MMRN1: variants seen among roughly 807,000 people sequenced by gnomAD.
MMRN1 encodes multimerin 1.
A neutral mutation model predicts 100.7 loss-of-function variants in MMRN1; 94 were observed. That is an observed-to-expected ratio of 0.93 (90% CI 0.79 to 1.11). MMRN1 has a LOEUF of 1.11. Among genes scored for constraint, MMRN1 ranks in the 50% least tolerant of loss-of-function variants. The probability of loss-of-function intolerance (pLI) is 0.00; values close to 1 mark genes in which losing one functional copy is unlikely to be tolerated. For missense variants in MMRN1, 1,606 were observed against 1,439.1 expected (o/e 1.12, Z -1.88); for synonymous variants, 575 against 505.0 (o/e 1.14, Z -1.86).
chr4:89,909,271 T>C lies in MMRN1; in HGVS notation c.624-5T>C. On this transcript the variant is annotated splice_polypyrimidine_tract_variant and splice_region_variant and intron_variant, in intron 1 of 7. Coordinates refer to ENST00000264790, the MANE Select transcript of MMRN1 (RefSeq NM_007351.3). ...TTTTTCCCTAACAATTATGATCTTC[T>C]TTAGGAATTGGTGTGCTTATGTACA... The C allele has an allele frequency of 6.3e-7, 1 of 1,583,258 alleles. No homozygotes were observed. The highest frequency in any genetic ancestry group is 8.6e-7 in the Non-Finnish European group (1 of 1,165,702).
At chr4:89,912,739 G>A (rs887303832) in intron 3 of MMRN1, among the ~76,000 whole-genome samples, 4 of 151,238 alleles carry the variant, frequency 2.6e-5, no homozygotes, top group African/African-American at 9.7e-5. Context: ...GCCATTAGCA[G>A]TGGTGGGGAA....
At chr4:89,909,585 T>C (rs554255768) in intron 2 of MMRN1, among the ~76,000 whole-genome samples, 190 bp downstream of exon 2, 4 of 151,646 alleles carry the variant, frequency 2.6e-5, no homozygotes, top group African/African-American at 7.2e-5. Flanking sequence ...TTTAGAATCA[T>C]TTGAGATAAT....
In MMRN1 at chr4:89,935,323, C is replaced by G. The variant is rs1722576604; in HGVS notation, c.1643C>G (p.Thr548Ser). Residue 548 changes from threonine (T) to serine (S), a missense_variant, in exon 6 of 8, where the codon ACT (threonine) becomes AGT (serine). By Grantham distance (58) the Thr-to-Ser change is moderately conservative. Transcript: ENST00000264790. The part of the protein sequence containing the change: ...VSNNVTEYMS[T>S]LHENIKKQSL... ...AATAATGTCACTGAGTACATGTCTA[C>G]TTTACATGAAAATATAAAGAAGCAG... 6.2e-7 allele frequency: 1 copy of G among 1,613,472 alleles called. No individual in the cohort carries two copies. Among genetic ancestry groups the G allele is most frequent in the South Asian group, 1.1e-5 (1 of 91,022 alleles).
At chr4:89,919,366 T>C (rs769726194) in intron 3 of MMRN1, among the ~76,000 whole-genome samples, 1 of 151,606 alleles carries the variant, frequency 6.6e-6, no homozygotes, top group Non-Finnish European at 1.5e-5. Context: ...AATATTTTCT[T>C]CATGATTCAT....
rs72870718 is a variant in MMRN1 at position 89,884,497 on chromosome 4, G to A, written c.-249+4895G>A. On this transcript the variant is annotated intron_variant, in intron 1 of 8. Coordinates refer to the MMRN1 transcript ENST00000394980. ...TTGCTGTTCCCATTGCTTGTGGCTA[G>A]CATATGAACTACGATTAATACATGA... Among the ~76,000 whole-genome samples, 1,410 of 152,196 alleles carry A rather than the reference G, an allele frequency of 9.3e-3. 23 individuals carry two copies. Among genetic ancestry groups the A allele is most frequent in the African/African-American group, 0.031 (1,301 of 41,534 alleles).
At chr4:89,929,091 T>C (rs1311438271) in intron 5 of MMRN1, among the ~76,000 whole-genome samples, 1 of 152,116 alleles carries the variant, frequency 6.6e-6, no homozygotes, top group Non-Finnish European at 1.5e-5. Context: ...CAGAAAGGTT[T>C]CGGGTAGGGC....
At chr4:89,881,519 T>A (rs1252323985) in intron 1 of MMRN1, among the ~76,000 whole-genome samples, 8 of 152,088 alleles carry the variant, frequency 5.3e-5, no homozygotes, top group Non-Finnish European at 1.0e-4. Flanking sequence ...TATAAAAGAA[T>A]TATATGCCTT....
At chr4:89,909,971 A>G (rs1196589001) in intron 2 of MMRN1, among the ~76,000 whole-genome samples, 1 of 151,396 alleles carries the variant, frequency 6.6e-6, no homozygotes, top group Non-Finnish European at 1.5e-5. Context: ...TAATTGATAA[A>G]TTATCTGAAT....
chr4:89,892,868 A>G (rs181795091), upstream of MMRN1, among the ~76,000 whole-genome samples: 134 of 152,186 alleles, frequency 8.8e-4, 1 homozygote, highest in African/African-American at 3.0e-3. Context: ...TTCAAACTGT[A>G]GAAGAAAACA....
chr4:89,948,238 A>T (rs1440885074), intron 6 of MMRN1, among the ~76,000 whole-genome samples: 2 of 152,184 alleles, frequency 1.3e-5, no homozygotes, highest in Non-Finnish European at 2.9e-5. Flanking sequence ...GTTGTCTGTT[A>T]TAAGGCTCTG....
At chr4:89,930,903 G>A (rs1722412903) in intron 5 of MMRN1, among the ~76,000 whole-genome samples, 2 of 152,028 alleles carry the variant, frequency 1.3e-5, no homozygotes, top group African/African-American at 4.8e-5. Flanking sequence ...TTTCTGGTGT[G>A]ATTATCCATG....
intron 3 of MMRN1, among the ~76,000 whole-genome samples, chr4:89,914,766 A>G (rs1721861499): frequency 6.6e-6 from 1 of 151,550 alleles, no homozygotes; most frequent in Non-Finnish European, 1.5e-5. Context: ...TCTGTTTTAT[A>G]AAATTTGCAA....
At chr4:89,934,529 A>G (rs982328184) in intron 5 of MMRN1, among the ~76,000 whole-genome samples, 1 of 152,178 alleles carries the variant, frequency 6.6e-6, no homozygotes, top group African/African-American at 2.4e-5. Context: ...TGAAGTCAGT[A>G]GTAGTTCCGT....
intron 3 of MMRN1, among the ~76,000 whole-genome samples, chr4:89,913,454 A>T (rs1481576713): frequency 6.6e-6 from 1 of 151,294 alleles, no homozygotes; most frequent in Non-Finnish European, 1.5e-5. Flanking sequence ...CCGTGCTTCA[A>T]CCTTTTATAC....
intron 1 of MMRN1, among the ~76,000 whole-genome samples, chr4:89,905,908 G>A (rs1462367276): frequency 6.6e-6 from 1 of 151,510 alleles, no homozygotes; most frequent in Non-Finnish European, 1.5e-5. Flanking sequence ...GAAAGTTTAA[G>A]TATTTAGCTT....
chr4:89,882,614 C>T (rs1578455820), intron 1 of MMRN1, among the ~76,000 whole-genome samples: 2 of 151,006 alleles, frequency 1.3e-5, no homozygotes, highest in African/African-American at 4.9e-5. Context: ...TGTAGATAAT[C>T]GCTGCTGTCC....
chr4:89,895,159 C>T lies in MMRN1; in HGVS notation c.188C>T (p.Ala63Val), dbSNP rs996930856. The T allele has an allele frequency of 3.1e-6, 5 of 1,613,676 alleles. No individual in the cohort carries two copies. Among genetic ancestry groups the T allele is most frequent in the Admixed American group, 3.3e-5 (2 of 59,954 alleles). Residue 63 changes from alanine to valine, a missense_variant, in exon 1 of 8, where the codon GCG becomes GTG. Ala to Val is a moderately conservative substitution (Grantham distance 64). Transcript: ENST00000264790. The stretch of plus-strand genomic sequence containing the variant: ...CTGCCAACCACTCGGGTCATGTCGG[C>T]GGAGATAGCTACAACTCCAGAGGCA... ...QILPTTRVMSAEIATTPEART... is the reference protein window; with the variant it reads ...QILPTTRVMSVEIATTPEART...
chr4:89,891,348 G>A (rs1199024314), upstream of MMRN1, among the ~76,000 whole-genome samples: 1 of 151,972 alleles, frequency 6.6e-6, no homozygotes, highest in African/African-American at 2.4e-5. Context: ...ATACATAGGA[G>A]TATGGTCATA....
chr4:89,929,355 A>G (rs1464268950), intron 5 of MMRN1, among the ~76,000 whole-genome samples: 1 of 152,154 alleles, frequency 6.6e-6, no homozygotes, highest in Non-Finnish European at 1.5e-5. Flanking sequence ...CTCAACAACA[A>G]TTATGTTTTT....
Sources: gnomAD v4.1 joint callset for allele counts (sites outside exome capture counted in the v4.1 genomes callset) on GRCh38, gnomAD v4.1.1 for gene constraint, MANE v1.5 for transcripts, NCBI Gene and HGNC (gene_info 2026-07-23, HGNC 2026-07-21) for gene names.